Variants in FANK1 observed in about 807,000 individuals in gnomAD.
The protein encoded by FANK1 is fibronectin type 3 and ankyrin repeat domains protein 1.
In FANK1, 44 loss-of-function variants were observed where a neutral mutation model predicts 45.3. That is an observed-to-expected ratio of 0.97 (90% confidence interval 0.76 to 1.25). The LOEUF (loss-of-function observed/expected upper bound fraction) is 1.25, where lower values mean the gene tolerates loss of function less well. Among genes scored for constraint, FANK1 ranks in the 50% most tolerant of loss-of-function variants. The pLI is 0.00. For missense variants in FANK1, 391 were observed against 424.4 expected (o/e 0.92, Z 0.69); for synonymous variants, 149 against 152.5 (o/e 0.98, Z 0.17).
chr10:125,903,414 A>G (rs1379566864), intron 1 of FANK1, among the ~76,000 whole-genome samples: 1 of 152,284 alleles, frequency 6.6e-6, no homozygotes, highest in Non-Finnish European at 1.5e-5. Context: ...CCTTTCTCCT[A>G]GAGGCAAAGG....
intron 1 of FANK1, among the ~76,000 whole-genome samples, chr10:125,962,405 AT>A (rs1474218421): frequency 6.6e-6 from 1 of 152,080 alleles, no homozygotes; most frequent in African/African-American, 2.4e-5. Context: ...TATTTCAAAC[AT>A]TTTGTTTCTT....
chr10:125,996,343 A>T (rs1238532252), intron 4 of FANK1, among the ~76,000 whole-genome samples: 1 of 152,216 alleles, frequency 6.6e-6, no homozygotes, highest in Non-Finnish European at 1.5e-5. Flanking sequence ...CTCTTTTATG[A>T]TACATTTGAA....
intron 3 of FANK1, chr10:125,994,972 T>G: frequency 6.1e-6 from 6 of 982,210 alleles, no homozygotes; most frequent in Non-Finnish European, 7.3e-6. Flanking sequence ...TAAGTCACAT[T>G]CCTGGGAAGA....
chr10:125,971,175 C>G (rs1232020662), intron 1 of FANK1, among the ~76,000 whole-genome samples: 2 of 152,054 alleles, frequency 1.3e-5, no homozygotes, highest in Non-Finnish European at 2.9e-5. Flanking sequence ...ATTGTTTCAC[C>G]CACATTCTAT....
In FANK1 at chr10:125,927,097, C is replaced by A. The variant is rs549884609; in HGVS notation, c.13+30442C>A. Among the ~76,000 whole-genome samples the A allele has an allele frequency of 1.5e-4, 23 of 151,748 alleles. 1 individual carries two copies. In the South Asian group the frequency reaches 4.6e-3, roughly 30 times the overall value. On this transcript the variant is annotated intron_variant, in intron 1 of 10. Transcript: ENST00000368693. ...GGGATTACAGGCATGAGCCACCGAGCCTGGCCTAAAATGACCATCTTGTCT... is the reference window on the plus strand; with the variant it reads ...GGGATTACAGGCATGAGCCACCGAGACTGGCCTAAAATGACCATCTTGTCT...
At position 125,996,633 on chromosome 10, in the gene FANK1, C is replaced by T. The variant is rs754098272; in HGVS notation, c.473+9C>T. On this transcript the variant is annotated intron_variant, in intron 5 of 10. Coordinates refer to ENST00000368693, the MANE Select transcript of FANK1 (RefSeq NM_145235.5). ...CAGAAAGGATACACCAGGTATGGCTCTTCTTTTTTTTAAATCTCTCTTGGG... is the reference window on the plus strand; with the variant it reads ...CAGAAAGGATACACCAGGTATGGCTTTTCTTTTTTTTAAATCTCTCTTGGG... 3.7e-6 allele frequency: 6 copies of T among 1,612,266 alleles called. No homozygotes were observed. The highest frequency in any genetic ancestry group is 5.1e-6 in the Non-Finnish European group (6 of 1,179,226).
In FANK1 at chr10:126,004,154, T is replaced by C. The variant is rs1159593206; in HGVS notation, c.540-730T>C. On this transcript the variant is annotated intron_variant, in intron 6 of 10. Coordinates refer to ENST00000368693, the MANE Select transcript of FANK1 (RefSeq NM_145235.5). ...CACCAACTGGGGATGGACTACATTT[T>C]ATCCTTAAAAAAAAAAAAAAAAAAA... 4 of 119,606 alleles carry C rather than the reference T, an allele frequency of 3.3e-5. No individual in the cohort carries two copies. In the East Asian group the frequency reaches 1.0e-3, roughly 31 times the overall value. The allele number at this position is 119,606 out of a possible 1,614,324, so 7.4% of individuals were successfully genotyped here.
At chr10:125,950,266 G>T (rs1220997187) in intron 1 of FANK1, among the ~76,000 whole-genome samples, 1 of 151,056 alleles carries the variant, frequency 6.6e-6, no homozygotes, top group Non-Finnish European at 1.5e-5. Flanking sequence ...ATTGACAAAT[G>T]GGATCTAATT....
At chr10:125,926,205 C>T (rs866470645) in intron 1 of FANK1, among the ~76,000 whole-genome samples, 2 of 151,992 alleles carry the variant, frequency 1.3e-5, no homozygotes, top group Non-Finnish European at 2.9e-5. Context: ...GATTCACAGG[C>T]GGTTTTAAGA....
chr10:125,980,385 T>G (rs1951125932), intron 2 of FANK1, 47 bp downstream of exon 2: 16 of 1,558,394 alleles, frequency 1.0e-5, no homozygotes, highest in Non-Finnish European at 1.2e-5. Context: ...ACTTCCTGAT[T>G]AGCTGGAATG....
At chr10:125,996,102 C>T (rs770560477) in intron 4 of FANK1, among the ~76,000 whole-genome samples, 17 of 152,274 alleles carry the variant, frequency 1.1e-4, no homozygotes, top group Middle Eastern at 3.4e-3. Context: ...GGAGTATGTG[C>T]GTGAAGACCT....
chr10:125,958,844 A>G (rs1287370135), intron 1 of FANK1, among the ~76,000 whole-genome samples: 1 of 152,222 alleles, frequency 6.6e-6, no homozygotes, highest in Non-Finnish European at 1.5e-5. Context: ...GAGAATACAA[A>G]CAAATGGAAA....
chr10:125,947,922 C>A (rs1041606511), intron 1 of FANK1, among the ~76,000 whole-genome samples: 2 of 147,048 alleles, frequency 1.4e-5, no homozygotes, highest in Admixed American at 6.8e-5. Context: ...ATCTCTCAGA[C>A]CACAGTGCAA....
chr10:125,963,244 G>A (rs1283934201), intron 1 of FANK1, among the ~76,000 whole-genome samples: 10 of 152,180 alleles, frequency 6.6e-5, no homozygotes, highest in African/African-American at 1.9e-4. Context: ...TCGGTCTCCC[G>A]AAGTGTTGGG....
chr10:125,928,279 T>TTTA (rs1554918592), intron 1 of FANK1, among the ~76,000 whole-genome samples: 10 of 150,620 alleles, frequency 6.6e-5, no homozygotes, highest in African/African-American at 1.2e-4. Context: ...TTTTTTTTTT[T>TTTA]AAAGACCATG....
intron 1 of FANK1, among the ~76,000 whole-genome samples, chr10:125,896,937 C>T (rs80015644): frequency 6.6e-6 from 1 of 152,142 alleles, no homozygotes; most frequent in Admixed American, 6.5e-5. Flanking sequence ...GCAGCGACCC[C>T]AGCGTGCGTC....
intron 1 of FANK1, among the ~76,000 whole-genome samples, chr10:125,966,504 C>T (rs1950208885): frequency 6.6e-6 from 1 of 152,152 alleles, no homozygotes; most frequent in African/African-American, 2.4e-5. Context: ...CTTTGCCCTT[C>T]CCTCTTGGTC....
chr10:126,006,446 G>A lies in FANK1; in HGVS notation c.705+1397G>A, dbSNP rs564358050. Among the ~76,000 whole-genome samples the A allele has an allele frequency of 1.1e-4, 16 of 152,348 alleles. 1 individual carries two copies. Among genetic ancestry groups the A allele is most frequent in the African/African-American group, 3.6e-4 (15 of 41,582 alleles). On this transcript the variant is annotated intron_variant, in intron 7 of 10. Coordinates refer to ENST00000368693, the MANE Select transcript of FANK1 (RefSeq NM_145235.5). ...GCTTCCATAGTAGAGCCGGGCCCAC[G>A]TGCCATGTGTGGTAGTGACAGCCAC... is the stretch of plus-strand genomic sequence containing the variant.
At chr10:125,969,554 T>A (rs1301192043) in intron 1 of FANK1, among the ~76,000 whole-genome samples, 1 of 152,142 alleles carries the variant, frequency 6.6e-6, no homozygotes, top group Non-Finnish European at 1.5e-5. Flanking sequence ...AACAGATAAA[T>A]ACAGATAGGG....
Sources: gnomAD v4.1 joint callset for allele counts (sites outside exome capture counted in the v4.1 genomes callset) on GRCh38, gnomAD v4.1.1 for gene constraint, MANE v1.5 for transcripts, NCBI Gene and HGNC (gene_info 2026-07-23, HGNC 2026-07-21) for gene names.